The following PAPPA variants were observed in gnomAD, a reference collection of about 807,000 sequenced individuals.
PAPPA encodes the protein pappalysin 1.
A neutral mutation model predicts 164.0 loss-of-function variants in PAPPA; 60 were observed. The ratio of observed to expected loss-of-function variants is 0.37; its 90% CI spans 0.30 to 0.45. The LOEUF is 0.45. Ranked by LOEUF, PAPPA falls within the 20% of genes least tolerant of loss-of-function variation. The pLI, the probability that PAPPA is intolerant of heterozygous loss-of-function variation, is 1.00. For missense variants in PAPPA, 1,782 were observed against 2,087.3 expected (o/e 0.85, Z 2.85); for synonymous variants, 875 against 814.1 (o/e 1.07, Z -1.27).
intron 7 of PAPPA, among the ~76,000 whole-genome samples, chr9:116,256,872 T>C (rs1564200949): frequency 1.3e-5 from 2 of 151,764 alleles, no homozygotes; most frequent in Non-Finnish European, 1.5e-5. Flanking sequence ...AGAACCCTGA[T>C]ACAGAACTAA....
At chr9:116,264,989 G>C (rs574903068) in intron 7 of PAPPA, among the ~76,000 whole-genome samples, 2 of 152,228 alleles carry the variant, frequency 1.3e-5, no homozygotes, top group Non-Finnish European at 2.9e-5. Context: ...ATGCAGTCTA[G>C]GCAAGTTGGA....
intron 1 of PAPPA, among the ~76,000 whole-genome samples, chr9:116,174,030 C>G (rs1002652484): frequency 1.3e-5 from 2 of 152,148 alleles, no homozygotes; most frequent in Admixed American, 1.3e-4. Flanking sequence ...ACAGGTTACT[C>G]AGGCTTAGGT....
At chr9:116,190,997 T>G (rs2118637642) in intron 2 of PAPPA, among the ~76,000 whole-genome samples, 1 of 148,974 alleles carries the variant, frequency 6.7e-6, no homozygotes, top group South Asian at 2.1e-4. Flanking sequence ...ATTTTTGCTT[T>G]GTGAATTTAA....
At chr9:116,252,856 A>C (rs1055947744) in intron 7 of PAPPA, among the ~76,000 whole-genome samples, 4 of 152,124 alleles carry the variant, frequency 2.6e-5, no homozygotes, top group African/African-American at 9.7e-5. Context: ...AGAAAAATTT[A>C]CCTCTGTCTT....
chr9:116,210,299 C>A (rs1478345010), intron 3 of PAPPA, among the ~76,000 whole-genome samples: 1 of 152,144 alleles, frequency 6.6e-6, no homozygotes, highest in Non-Finnish European at 1.5e-5. Flanking sequence ...CCTCCAGTGA[C>A]CCTAACACGG....
chr9:116,246,063 A>G (rs963336432), intron 7 of PAPPA, among the ~76,000 whole-genome samples: 1 of 152,216 alleles, frequency 6.6e-6, no homozygotes, highest in African/African-American at 2.4e-5. Context: ...CCTGGTTTAG[A>G]ATGATTTTAA....
chr9:116,186,201 AT>A (rs1843967152), intron 1 of PAPPA, among the ~76,000 whole-genome samples: 1 of 112,308 alleles, frequency 8.9e-6, no homozygotes, highest in South Asian at 3.1e-4. Flanking sequence ...GAAGGCACTC[AT>A]TATATGTGTG....
intron 19 of PAPPA, among the ~76,000 whole-genome samples, chr9:116,374,247 T>C (rs1288606846): frequency 6.6e-6 from 1 of 151,886 alleles, no homozygotes; most frequent in Non-Finnish European, 1.5e-5. Context: ...TGATGGTAAT[T>C]GCAACCAGGA....
intron 5 of PAPPA, among the ~76,000 whole-genome samples, chr9:116,227,184 C>T (rs926786255): frequency 1.3e-5 from 2 of 152,152 alleles, no homozygotes; most frequent in Non-Finnish European, 2.9e-5. Flanking sequence ...CTTTGTGCTG[C>T]TAAAAGTCAG....
chr9:116,191,277 G>A (rs970850141), intron 2 of PAPPA, among the ~76,000 whole-genome samples: 2 of 152,138 alleles, frequency 1.3e-5, no homozygotes, highest in African/African-American at 2.4e-5. Flanking sequence ...CTTTGTCTGT[G>A]GGTGAGTGAG....
chr9:116,340,081 C>T (rs994035277), intron 13 of PAPPA, among the ~76,000 whole-genome samples: 10 of 152,228 alleles, frequency 6.6e-5, no homozygotes, highest in Admixed American at 5.9e-4. Context: ...TTCTTTCCCG[C>T]TCATCCATCC....
chr9:116,187,478 A>T lies in PAPPA; in HGVS notation c.740A>T (p.His247Leu). The change falls in exon 2 of 22, where the codon CAC becomes CTC. Residue 247 changes from histidine (H) to leucine (L), a missense_variant. Physicochemically the swap from His to Leu is moderately conservative, Grantham distance 99. This residue lies in a region of PAPPA where 458 missense variants were observed against 430.3 expected (regional missense o/e 1.06). Coordinates refer to ENST00000328252, the MANE Select transcript of PAPPA (RefSeq NM_002581.5). The surrounding 1 kb of genome is among the most constrained non-coding windows in gnomAD (Gnocchi z 4.2). ...ATGTTAGGGGGCAGTGCCCTGAATC[A>T]CAACTACCGGGGCTACATCGAGCAC... ...VLMLGGSALNHNYRGYIEHFS... is the reference protein window; with the variant it reads ...VLMLGGSALNLNYRGYIEHFS... The T allele has an allele frequency of 1.9e-6, 3 of 1,614,184 alleles. No individual in the cohort carries two copies. The highest frequency in any genetic ancestry group is 2.5e-6 in the Non-Finnish European group (3 of 1,180,030).
intron 9 of PAPPA, among the ~76,000 whole-genome samples, chr9:116,301,198 A>T (rs894967227): frequency 2.0e-5 from 3 of 152,120 alleles, no homozygotes; most frequent in African/African-American, 7.2e-5. Context: ...TTTTCCCAGG[A>T]TATGTTCCTT....
Position 116,361,297 on chromosome 9 carries a change from T to G in PAPPA, c.4348-1295T>G, listed in dbSNP as rs141670203. ...ATAAGCCTGAAAGGGGTAGAGAATATATAGCTTGTTCTTAGATCCTTCACA... is the reference window on the plus strand; with the variant it reads ...ATAAGCCTGAAAGGGGTAGAGAATAGATAGCTTGTTCTTAGATCCTTCACA... On this transcript the variant is annotated intron_variant, in intron 17 of 21. Transcript: ENST00000328252. Among the ~76,000 whole-genome samples the G allele has an allele frequency of 4.2e-4, 64 of 152,266 alleles. No homozygotes were observed. In the East Asian group the frequency reaches 0.012, roughly 29 times the overall value.
At chr9:116,221,621 A>G (rs1844446891) in intron 5 of PAPPA, among the ~76,000 whole-genome samples, 1 of 152,140 alleles carries the variant, frequency 6.6e-6, no homozygotes, top group African/African-American at 2.4e-5. Context: ...ACTGGGCTTC[A>G]GCTCTTGTTT....
intron 10 of PAPPA, among the ~76,000 whole-genome samples, chr9:116,321,461 C>T (rs1188741051): frequency 1.3e-5 from 2 of 152,192 alleles, no homozygotes; most frequent in Non-Finnish European, 2.9e-5. Context: ...ATCTTCTAGG[C>T]CAGTTCTGAG....
At chr9:116,345,169 A>C (rs114130329) in intron 14 of PAPPA, among the ~76,000 whole-genome samples, 8,646 of 152,236 alleles carry the variant, frequency 0.057, 278 homozygotes, top group Admixed American at 0.11. Flanking sequence ...ATTAAGACAA[A>C]TCGAGTCCTT....
At chr9:116,250,235 A>T (rs1345539025) in intron 7 of PAPPA, among the ~76,000 whole-genome samples, 1 of 152,154 alleles carries the variant, frequency 6.6e-6, no homozygotes, top group African/African-American at 2.4e-5. Context: ...TCATTCACTC[A>T]TGGGCTTTAA....
chr9:116,211,926 T>A lies in PAPPA; in HGVS notation c.1912T>A (p.Tyr638Asn). Reference sequence around the variant, plus strand: ...CACTCCTTACAACAACTTCATGAGCTATGCAGGTAGGGCCCTACACTCTGT... The same window carrying A: ...CACTCCTTACAACAACTTCATGAGCAATGCAGGTAGGGCCCTACACTCTGT... ...FNTPYNNFMS[Y>N]ADDDCTDSFT... is the part of the protein sequence containing the mutation. Residue 638 changes from tyrosine to asparagine, a missense_variant, in exon 4 of 22, where the codon TAT becomes AAT. Physicochemically the swap from Tyr to Asn is moderately radical, Grantham distance 143 (BLOSUM62 -2). Around this residue, in one of 2 missense-constraint regions of PAPPA, gnomAD observed 1,324 missense variants for 1,656.9 expected, o/e 0.80. Transcript: ENST00000328252. 6.2e-7 allele frequency: 1 copy of A among 1,613,826 alleles called. No homozygotes were observed. Among genetic ancestry groups the A allele is most frequent in the Non-Finnish European group, 8.5e-7 (1 of 1,179,820 alleles).
Sources: gnomAD v4.1 joint callset for allele counts (sites outside exome capture counted in the v4.1 genomes callset) on GRCh38, gnomAD v4.1.1 for gene constraint, gnomAD v4.1.1 regional missense constraint, Gnocchi (gnomAD v3.1) non-coding constraint, MANE v1.5 for transcripts, NCBI Gene and HGNC (gene_info 2026-07-23, HGNC 2026-07-21) for gene names.